CNTN6: variants seen among roughly 807,000 people sequenced by gnomAD.
CNTN6 encodes contactin 6.
Under a neutral mutation model 122.8 loss-of-function variants are expected in CNTN6, and 137 were observed. That is an observed-to-expected ratio of 1.12 (90% CI 0.97 to 1.29). CNTN6 has a LOEUF of 1.29. Ranked by LOEUF, CNTN6 falls within the 50% of genes most tolerant of loss-of-function variation. The pLI is 0.00. For missense variants in CNTN6, 1,634 were observed against 1,223.4 expected (o/e 1.34, Z -5.01); for synonymous variants, 570 against 426.0 (o/e 1.34, Z -4.16).
In CNTN6 at chr3:1,172,620, C is replaced by CTGTGTGTGTG. The variant is rs3836248; in HGVS notation, c.55+24587_55+24596dup. ...AGTGAAGACAGTCTGCAATAACTCTCTGTGTGTGTGTGTGTGTGTGTGTGT... is the reference window on the plus strand; with the variant it reads ...AGTGAAGACAGTCTGCAATAACTCTCTGTGTGTGTGTGTGTGTGTGTGTGTGTGTGTGTGT... On this transcript the variant is annotated intron_variant, in intron 2 of 22. Transcript: ENST00000446702. Among the ~76,000 whole-genome samples the CTGTGTGTGTG allele has an allele frequency of 2.8e-3, 419 of 150,266 alleles. 2 individuals carry two copies. The highest frequency in any genetic ancestry group is 9.6e-3 in the African/African-American group (395 of 41,012).
intron 12 of CNTN6, among the ~76,000 whole-genome samples, chr3:1,358,091 A>C (rs1466337884): frequency 1.3e-5 from 2 of 151,854 alleles, no homozygotes; most frequent in Non-Finnish European, 2.9e-5. Context: ...TTCAAATGCT[A>C]CCTTATATTG....
chr3:1,169,886 A>T (rs931457591), intron 2 of CNTN6, among the ~76,000 whole-genome samples: 6 of 152,314 alleles, frequency 3.9e-5, no homozygotes, highest in Admixed American at 6.5e-5. Context: ...ATTTTCTTAC[A>T]ATTTTCAAGT....
In CNTN6 at chr3:1,295,826, G is replaced by C. The variant is rs954159545; in HGVS notation, c.658+22G>C. 1.9e-6 allele frequency: 3 copies of C among 1,591,578 alleles called. No individual in the cohort carries two copies. The African/African-American group carries it at 4.0e-5, about 21-fold the overall frequency. The stretch of plus-strand genomic sequence containing the variant: ...GATGGTAAGATAATGAGTTATCTTG[G>C]GAATGTACTTTATCTTTGGCCCTTA... On this transcript the variant is annotated intron_variant, in intron 6 of 22. Transcript: ENST00000446702.
intron 11 of CNTN6, among the ~76,000 whole-genome samples, chr3:1,344,252 T>C (rs1704319413): frequency 6.6e-6 from 1 of 152,142 alleles, no homozygotes; most frequent in Non-Finnish European, 1.5e-5. Context: ...CAATGGATGA[T>C]TGTATCTTAC....
chr3:1,345,467 C>A (rs993934951), intron 11 of CNTN6, among the ~76,000 whole-genome samples: 3 of 151,968 alleles, frequency 2.0e-5, no homozygotes, highest in African/African-American at 4.8e-5. Context: ...GAAAGGACAA[C>A]CTTTATTTTG....
At chr3:1,255,604 T>G (rs1429925599) in intron 4 of CNTN6, among the ~76,000 whole-genome samples, 1 of 152,100 alleles carries the variant, frequency 6.6e-6, no homozygotes, top group East Asian at 1.9e-4. Flanking sequence ...AAGAAATGTA[T>G]TATTTAATTG....
chr3:1,388,319 C>A (rs558559940), intron 20 of CNTN6, among the ~76,000 whole-genome samples: 2 of 146,372 alleles, frequency 1.4e-5, no homozygotes, highest in African/African-American at 5.0e-5. Context: ...CCTCACACGG[C>A]AGGGTATGCC....
intron 4 of CNTN6, among the ~76,000 whole-genome samples, chr3:1,256,782 A>T (rs757953545): frequency 1.1e-4 from 17 of 152,178 alleles, no homozygotes; most frequent in Non-Finnish European, 1.8e-4. Context: ...TACCATAATT[A>T]TTCTAAATAA....
At chr3:1,306,567 T>C (rs1258126932) in intron 7 of CNTN6, among the ~76,000 whole-genome samples, 2 of 152,128 alleles carry the variant, frequency 1.3e-5, no homozygotes, top group Admixed American at 6.6e-5. Flanking sequence ...TAGAGCAGGA[T>C]TGGAGTCTTA....
At chr3:1,363,218 T>A (rs1192367766) in intron 12 of CNTN6, among the ~76,000 whole-genome samples, 1 of 151,986 alleles carries the variant, frequency 6.6e-6, no homozygotes, top group African/African-American at 2.4e-5. Context: ...CATAGCTGCC[T>A]CTTTTGTGTG....
intron 1 of CNTN6, among the ~76,000 whole-genome samples, chr3:1,106,062 C>T (rs979556487): frequency 1.3e-5 from 2 of 152,028 alleles, no homozygotes; most frequent in Non-Finnish European, 2.9e-5. Context: ...TATTTGAGAC[C>T]TGTGTTTTGG....
intron 1 of CNTN6, among the ~76,000 whole-genome samples, chr3:1,106,056 T>G (rs916249072): frequency 2.0e-4 from 30 of 152,168 alleles, no homozygotes; most frequent in African/African-American, 7.0e-4. Context: ...AAATTGTATT[T>G]GAGACCTGTG....
chr3:1,273,134 G>A (rs1211135072), intron 4 of CNTN6, among the ~76,000 whole-genome samples: 1 of 152,118 alleles, frequency 6.6e-6, no homozygotes, highest in African/African-American at 2.4e-5. Context: ...GATAAGCCAT[G>A]GCCATCAGAA....
rs1188182848 is a variant in CNTN6, at chr3:1,113,560, A to G, written c.-83+20440A>G. On this transcript the variant is annotated intron_variant, in intron 1 of 22. Transcript: ENST00000446702. ...TTTCAGAAGAAAGATAAAGTCATCA[A>G]AAGTCTTAAGGATTAAATTAAAAGA... 2.0e-5 allele frequency among the ~76,000 whole-genome samples: 3 copies of G among 152,218 alleles called. No individual in the cohort carries two copies. The East Asian group carries it at 5.8e-4, about 29-fold the overall frequency.
intron 5 of CNTN6, among the ~76,000 whole-genome samples, chr3:1,288,346 C>G (rs547610444): frequency 6.6e-6 from 1 of 151,994 alleles, no homozygotes; most frequent in African/African-American, 2.4e-5. Flanking sequence ...GTGTTAGGCA[C>G]GTTTCTGGAT....
At position 1,403,761 on chromosome 3, in the gene CNTN6, T is replaced by G. The variant is rs1231052427; in HGVS notation, c.*343T>G. 6.2e-6 allele frequency: 1 copy of G among 161,090 alleles called. No homozygotes were observed. The highest frequency in any genetic ancestry group is 2.4e-5 in the African/African-American group (1 of 41,770). The allele number at this position is 161,090 out of a possible 1,614,324, so 10.0% of individuals were successfully genotyped here. On this transcript the variant is annotated 3_prime_UTR_variant, in exon 23 of 23. Coordinates refer to ENST00000446702, the MANE Select transcript of CNTN6 (RefSeq NM_001289080.2). ...AAACTTGGCTCCTAGTTACCATAACTCACATGTACATTTTTATGTATTCCA... is the reference window on the plus strand; with the variant it reads ...AAACTTGGCTCCTAGTTACCATAACGCACATGTACATTTTTATGTATTCCA...
chr3:1,314,312 T>G (rs1188132349), intron 7 of CNTN6, among the ~76,000 whole-genome samples: 1 of 152,088 alleles, frequency 6.6e-6, no homozygotes, highest in Non-Finnish European at 1.5e-5. Flanking sequence ...GTTATTCTGC[T>G]TCACTCTCTT....
At chr3:1,112,200 C>T (rs2091513402) in intron 1 of CNTN6, among the ~76,000 whole-genome samples, 1 of 152,174 alleles carries the variant, frequency 6.6e-6, no homozygotes, top group East Asian at 1.9e-4. Flanking sequence ...TAAAAGAGCT[C>T]ACAGCATAGT....
At chr3:1,306,956 T>C (rs1204708578) in intron 7 of CNTN6, among the ~76,000 whole-genome samples, 2 of 152,202 alleles carry the variant, frequency 1.3e-5, no homozygotes, top group African/African-American at 4.8e-5. Flanking sequence ...TGAGCACAAA[T>C]TATTCATTCA....
Sources: gnomAD v4.1 joint callset for allele counts (sites outside exome capture counted in the v4.1 genomes callset) on GRCh38, gnomAD v4.1.1 for gene constraint, MANE v1.5 for transcripts, NCBI Gene and HGNC (gene_info 2026-07-23, HGNC 2026-07-21) for gene names.